PRKCE: variants seen among roughly 807,000 people sequenced by gnomAD.
The protein encoded by PRKCE is protein kinase C epsilon, also known as protein kinase C epsilon type.
A neutral mutation model predicts 85.4 loss-of-function variants in PRKCE; 16 were observed. The ratio of observed to expected loss-of-function variants is 0.19; its 90% confidence interval spans 0.13 to 0.28. The LOEUF is 0.28. Ranked by LOEUF, PRKCE falls within the 10% of genes least tolerant of loss-of-function variation. The probability of loss-of-function intolerance (pLI) is 1.00; values close to 1 mark genes in which losing one functional copy is unlikely to be tolerated. For synonymous variants in PRKCE, 388 were observed against 371.5 expected (o/e 1.04, Z -0.51); for missense variants, 573 against 975.2 (o/e 0.59, Z 5.49).
At chr2:45,944,171 G>A (rs1346779780) in intron 2 of PRKCE, among the ~76,000 whole-genome samples, 1 of 152,178 alleles carries the variant, frequency 6.6e-6, no homozygotes, top group Admixed American at 6.5e-5. Context: ...TCACTTCGTT[G>A]GTGACTCATT....
At chr2:45,733,515 G>A (rs1443789358) in intron 1 of PRKCE, among the ~76,000 whole-genome samples, 2 of 152,190 alleles carry the variant, frequency 1.3e-5, no homozygotes, top group Non-Finnish European at 2.9e-5. Flanking sequence ...ACATTACTAA[G>A]CAAGGTAAGG....
intron 2 of PRKCE, among the ~76,000 whole-genome samples, chr2:45,868,759 A>G (rs1333022583): frequency 1.3e-5 from 2 of 149,826 alleles, no homozygotes; most frequent in Non-Finnish European, 1.5e-5. Flanking sequence ...CAACATGGGG[A>G]AACCCCATCT....
chr2:46,145,365 G>A lies in PRKCE; in HGVS notation c.1731+134G>A. On this transcript the variant is annotated intron_variant, in intron 12 of 14. Transcript: ENST00000306156. The surrounding 1 kb of genome is among the most constrained non-coding windows in gnomAD (Gnocchi z 4.6). Reference sequence around the variant, plus strand: ...TCCAGGATGGATTCTAGGAAGGAGGGAGAAAAGGAAAGGAAAAAAGTTTGC... The same window carrying A: ...TCCAGGATGGATTCTAGGAAGGAGGAAGAAAAGGAAAGGAAAAAAGTTTGC... The A allele has an allele frequency of 2.4e-6, 3 of 1,271,736 alleles. No homozygotes were observed. The highest frequency in any genetic ancestry group is 3.3e-6 in the Non-Finnish European group (3 of 922,804). The allele number at this position is 1,271,736 out of a possible 1,614,324, so 78.8% of individuals were successfully genotyped here.
chr2:46,031,403 G>A (rs991678297), intron 10 of PRKCE, among the ~76,000 whole-genome samples: 7 of 151,962 alleles, frequency 4.6e-5, no homozygotes, highest in South Asian at 4.2e-4. Flanking sequence ...CTCACATCCC[G>A]CCTCTTCCAC....
intron 1 of PRKCE, among the ~76,000 whole-genome samples, chr2:45,657,797 T>C (rs889469424): frequency 3.3e-5 from 5 of 152,212 alleles, no homozygotes; most frequent in African/African-American, 1.2e-4. Flanking sequence ...GAGATAGGCC[T>C]GTACATCATT....
intron 1 of PRKCE, among the ~76,000 whole-genome samples, chr2:45,695,854 A>G (rs1223052098): frequency 6.6e-6 from 1 of 152,190 alleles, no homozygotes; most frequent in Non-Finnish European, 1.5e-5. Flanking sequence ...GGAGAGCAGA[A>G]AAAAGAAACA....
intron 2 of PRKCE, among the ~76,000 whole-genome samples, chr2:45,975,751 T>G (rs2104526926): frequency 6.6e-6 from 1 of 152,278 alleles, no homozygotes; most frequent in East Asian, 1.9e-4. Flanking sequence ...GGGAAGATCT[T>G]TTTGACTCCA....
intron 1 of PRKCE, among the ~76,000 whole-genome samples, chr2:45,765,838 G>C (rs1190580197): frequency 6.6e-6 from 1 of 152,180 alleles, no homozygotes; most frequent in Non-Finnish European, 1.5e-5. Context: ...TGCACAGAAG[G>C]GGATTTCCCT....
At chr2:45,663,998 C>T (rs1675800314) in intron 1 of PRKCE, among the ~76,000 whole-genome samples, 1 of 152,190 alleles carries the variant, frequency 6.6e-6, no homozygotes, top group Admixed American at 6.5e-5. Flanking sequence ...ACCAGCCATT[C>T]AACAAACATA....
chr2:45,764,800 T>G (rs1196557922), intron 1 of PRKCE, among the ~76,000 whole-genome samples: 1 of 152,210 alleles, frequency 6.6e-6, no homozygotes, highest in Non-Finnish European at 1.5e-5. Flanking sequence ...CTGCTGCAAA[T>G]GAATTAGACT....
At chr2:45,883,827 T>G (rs578123698) in intron 2 of PRKCE, among the ~76,000 whole-genome samples, 6 of 151,798 alleles carry the variant, frequency 4.0e-5, no homozygotes, top group Admixed American at 1.3e-4. Context: ...GGCAGGAGAG[T>G]GTGTGGGAAA....
At chr2:46,027,929 G>T (rs867343175) in intron 10 of PRKCE, among the ~76,000 whole-genome samples, 1 of 151,970 alleles carries the variant, frequency 6.6e-6, no homozygotes. Flanking sequence ...CCTCTTGAAG[G>T]TTGGGATTCT....
chr2:46,061,764 G>C (rs935646433), intron 10 of PRKCE, among the ~76,000 whole-genome samples: 1 of 151,972 alleles, frequency 6.6e-6, no homozygotes, highest in African/African-American at 2.4e-5. Context: ...AGATGAGCAC[G>C]GTGTTTGCTT....
At chr2:46,015,559 C>T (rs571396914) in intron 10 of PRKCE, among the ~76,000 whole-genome samples, 75 of 152,146 alleles carry the variant, frequency 4.9e-4, no homozygotes, top group Middle Eastern at 3.4e-3. Context: ...TACAAAGCAA[C>T]GGGAGACGTT....
chr2:45,714,297 TTTTGGTGGCA>T, intron 1 of PRKCE, among the ~76,000 whole-genome samples: 1 of 152,320 alleles, frequency 6.6e-6, no homozygotes, highest in Middle Eastern at 3.4e-3. Flanking sequence ...ATGGCTTGCC[TTTTGGTGGCA>T]TGGTCAGGGA....
intron 13 of PRKCE, among the ~76,000 whole-genome samples, chr2:46,158,499 C>T (rs1035935417): frequency 2.0e-5 from 3 of 152,162 alleles, no homozygotes; most frequent in African/African-American, 7.2e-5. Context: ...CTCTCCACCC[C>T]TTTCACTCTT....
Position 46,004,459 on chromosome 2 carries a change from T to A in PRKCE, c.967-83T>A, listed in dbSNP as rs1334293318. On this transcript the variant is annotated intron_variant, in intron 7 of 14. Transcript: ENST00000306156. The surrounding 1 kb of genome is among the most constrained non-coding windows in gnomAD (Gnocchi z 4.1). ...GCTCTGGGAACTCTCATGGCTCTTATACGGCATCTTGATGCTTTTGACATC... is the reference window on the plus strand; with the variant it reads ...GCTCTGGGAACTCTCATGGCTCTTAAACGGCATCTTGATGCTTTTGACATC... 7 of 1,127,304 alleles carry A rather than the reference T, an allele frequency of 6.2e-6. No homozygotes were observed. The allele number at this position is 1,127,304 out of a possible 1,614,324, so 69.8% of individuals were successfully genotyped here.
chr2:45,834,322 G>C (rs898993819), intron 1 of PRKCE, among the ~76,000 whole-genome samples: 1 of 152,218 alleles, frequency 6.6e-6, no homozygotes, highest in Non-Finnish European at 1.5e-5. Context: ...GAAGCAAGCT[G>C]TAGTCTGGGG....
At chr2:46,085,354 A>C (rs942758969) in intron 10 of PRKCE, among the ~76,000 whole-genome samples, 1 of 152,164 alleles carries the variant, frequency 6.6e-6, no homozygotes, top group Non-Finnish European at 1.5e-5. Context: ...CCACATTGCA[A>C]TCTATTGGTC....
Sources: gnomAD v4.1 joint callset for allele counts (sites outside exome capture counted in the v4.1 genomes callset) on GRCh38, gnomAD v4.1.1 for gene constraint, Gnocchi (gnomAD v3.1) non-coding constraint, MANE v1.5 for transcripts, NCBI Gene and HGNC (gene_info 2026-07-23, HGNC 2026-07-21) for gene names.